Variants in PCDHA7 observed in about 807,000 individuals in gnomAD.
PCDHA7 encodes protocadherin alpha 7, also known as protocadherin alpha-7.
A neutral mutation model predicts 57.2 loss-of-function variants in PCDHA7; 37 were observed. The ratio of observed to expected loss-of-function variants is 0.65; its 90% confidence interval spans 0.50 to 0.85. The LOEUF is 0.85. PCDHA7 is among the 40% of genes least tolerant of loss of function. PCDHA7 has a pLI of 0.00. For synonymous variants in PCDHA7, 553 were observed against 558.8 expected, an observed-to-expected ratio of 0.99 and a Z score of 0.15; for missense variants, 1,188 against 1,241.8, an observed-to-expected ratio of 0.96 and a Z score of 0.65.
At chr5:140,882,385 A>G in intron 1 of PCDHA7, 1 of 1,614,234 alleles carries the variant, frequency 6.2e-7, no homozygotes, top group Non-Finnish European at 8.5e-7. Flanking sequence ...CCGAGGAAGC[A>G]AAACACGGCA....
intron 1 of PCDHA7, among the ~76,000 whole-genome samples, chr5:140,955,110 T>C (rs915501300): frequency 7.2e-5 from 11 of 152,274 alleles, no homozygotes; most frequent in African/African-American, 2.6e-4. Flanking sequence ...TTCTGAGTTC[T>C]CTATTCTGTT....
chr5:140,883,676 C>T lies in PCDHA7; in HGVS notation c.2355+46938C>T, dbSNP rs986680593. 6.2e-6 allele frequency: 10 copies of T among 1,613,792 alleles called. No homozygotes were observed. In the Admixed American group the frequency reaches 1.0e-4, roughly 16 times the overall value. On this transcript the variant is annotated intron_variant, in intron 1 of 3. Transcript: ENST00000525929. Reference sequence around the variant, plus strand: ...GGTGTTCGTGAAGGAAAACAATCCGCCGGGCTGCCACATCTTCACGGTGTC... The same window carrying T: ...GGTGTTCGTGAAGGAAAACAATCCGTCGGGCTGCCACATCTTCACGGTGTC...
At position 140,834,686 on chromosome 5, in the gene PCDHA7, G is replaced by A. The variant is rs2150224361; in HGVS notation, c.303G>A (p.Glu101=). 2 of 1,614,276 alleles carry A rather than the reference G, an allele frequency of 1.2e-6. No individual in the cohort carries two copies. Among genetic ancestry groups the A allele is most frequent in the Non-Finnish European group, 1.7e-6 (2 of 1,180,052 alleles). ...DREELCGRSA[E]CSIHLEVIVE... is the part of the protein sequence containing the mutation. ...AGGAGCTGTGCGGGCGGAGCGCGGA[G>A]TGCAGCATCCACCTGGAGGTGATCG... Residue 101 remains glutamate (E), a synonymous_variant, in exon 1 of 4, where the codon GAG becomes GAA. Transcript: ENST00000525929.
intron 1 of PCDHA7, among the ~76,000 whole-genome samples, chr5:140,938,866 G>A (rs1372323218): frequency 2.6e-5 from 4 of 152,040 alleles, no homozygotes; most frequent in African/African-American, 9.7e-5. Context: ...GAACTTAAAA[G>A]TTAAGAAGCA....
At chr5:140,871,376 G>GCT (rs782235924) in intron 1 of PCDHA7, 26 of 1,614,078 alleles carry the variant, frequency 1.6e-5, no homozygotes, top group South Asian at 1.4e-4. Flanking sequence ...CAGAGGGTGT[G>GCT]CTCTGAGGAG....
chr5:140,930,997 A>G (rs1355351475), intron 1 of PCDHA7, among the ~76,000 whole-genome samples: 3 of 152,198 alleles, frequency 2.0e-5, no homozygotes, highest in Admixed American at 1.3e-4. Context: ...GACCTACACT[A>G]ATAACATAAC....
At chr5:140,991,563 C>T (rs577838155) in intron 3 of PCDHA7, among the ~76,000 whole-genome samples, 4 of 152,288 alleles carry the variant, frequency 2.6e-5, no homozygotes, top group South Asian at 4.1e-4. Context: ...CCTTTAGTTT[C>T]CAATAACAGG....
chr5:140,851,802 T>G (rs1303108162), intron 1 of PCDHA7: 1 of 945,220 alleles, frequency 1.1e-6, no homozygotes, highest in Admixed American at 6.3e-5. Flanking sequence ...GTTCTGTCAG[T>G]AATCCATAAG....
chr5:140,856,162 C>T (rs782071685), intron 1 of PCDHA7: 7 of 1,598,320 alleles, frequency 4.4e-6, no homozygotes, highest in Non-Finnish European at 6.0e-6. Context: ...ACGAGGAGGC[C>T]AGACACGGCA....
At chr5:140,836,844 T>C (rs2150270736) in intron 1 of PCDHA7, 106 bp downstream of exon 1, 26 of 827,138 alleles carry the variant, frequency 3.1e-5, no homozygotes, top group African/African-American at 6.9e-5. Flanking sequence ...GCTTTATGTA[T>C]AATTATTATT....
rs182357788 is a variant in PCDHA7, at chr5:140,944,436, C to T, written c.2356-34513C>T. Among the ~76,000 whole-genome samples, 220 of 152,278 alleles carry T rather than the reference C, an allele frequency of 1.4e-3. 1 individual carries two copies. Among genetic ancestry groups the T allele is most frequent in the African/African-American group, 4.9e-3 (204 of 41,560 alleles). The stretch of plus-strand genomic sequence containing the variant: ...TCCTGATCTGAAGTGGTCTGCCTGC[C>T]TCGGCCTCCCAAAGTGCTGGGATTA... On this transcript the variant is annotated intron_variant, in intron 1 of 3. Coordinates refer to ENST00000525929, the MANE Select transcript of PCDHA7 (RefSeq NM_018910.3).
At position 140,857,115 on chromosome 5, in the gene PCDHA7, T is replaced by C. The variant is rs782131761; in HGVS notation, c.2355+20377T>C. On this transcript the variant is annotated intron_variant, in intron 1 of 3. Coordinates refer to ENST00000525929, the MANE Select transcript of PCDHA7 (RefSeq NM_018910.3). ...GAGGTGATTGTCACTTCTCTGTCTC[T>C]CCCAGTGAAAGAAGATGCTCAAGTG... 20 of 1,597,830 alleles carry C rather than the reference T, an allele frequency of 1.3e-5. 2 individuals carry two copies. In the East Asian group the frequency reaches 3.8e-4, roughly 30 times the overall value.
chr5:140,908,836 T>C (rs1206116511), intron 1 of PCDHA7, among the ~76,000 whole-genome samples: 4 of 152,200 alleles, frequency 2.6e-5, no homozygotes, highest in African/African-American at 9.7e-5. Flanking sequence ...ATAAATGGGC[T>C]GGAGTAACAT....
At chr5:140,951,507 C>A (rs2094591964) in intron 1 of PCDHA7, among the ~76,000 whole-genome samples, 1 of 151,952 alleles carries the variant, frequency 6.6e-6, no homozygotes, top group African/African-American at 2.4e-5. Flanking sequence ...AAAAGGAAAG[C>A]GGCTCATCTT....
chr5:140,900,912 A>AGAT (rs553485999), intron 1 of PCDHA7, among the ~76,000 whole-genome samples: 1 of 152,198 alleles, frequency 6.6e-6, no homozygotes, highest in Non-Finnish European at 1.5e-5. Context: ...AACTGTGGTA[A>AGAT]GATGATATCT....
At chr5:140,985,519 C>G (rs945399310) in intron 3 of PCDHA7, among the ~76,000 whole-genome samples, 7 of 152,120 alleles carry the variant, frequency 4.6e-5, no homozygotes, top group African/African-American at 1.7e-4. Flanking sequence ...TTCTGTTGCC[C>G]TTAAAGCTTC....
At position 140,869,199 on chromosome 5, in the gene PCDHA7, C is replaced by G. The variant is rs1315511579; in HGVS notation, c.2355+32461C>G. 8 of 1,613,906 alleles carry G rather than the reference C, an allele frequency of 5.0e-6. No individual in the cohort carries two copies. In the African/African-American group the frequency reaches 1.1e-4, roughly 22 times the overall value. On this transcript the variant is annotated intron_variant, in intron 1 of 3. Coordinates refer to ENST00000525929, the MANE Select transcript of PCDHA7 (RefSeq NM_018910.3). The stretch of plus-strand genomic sequence containing the variant: ...GGGAGGTGGGGAGCGGCCAGCTCCA[C>G]TACTCCGTCTCGGAGGAGGCCAAAC...
chr5:141,004,619 G>C (rs1004302739), intron 3 of PCDHA7, among the ~76,000 whole-genome samples: 9 of 152,136 alleles, frequency 5.9e-5, no homozygotes, highest in Non-Finnish European at 1.0e-4. Context: ...GCAGAGTCCT[G>C]GTTATGGTTG....
At position 141,010,340 on chromosome 5, in the gene PCDHA7, C is replaced by T. The variant is rs1400539624; in HGVS notation, c.*403C>T. 2 of 1,533,798 alleles carry T rather than the reference C, an allele frequency of 1.3e-6. No homozygotes were observed. Among genetic ancestry groups the T allele is most frequent in the Non-Finnish European group, 1.8e-6 (2 of 1,140,544 alleles). On this transcript the variant is annotated 3_prime_UTR_variant, in exon 4 of 4. Coordinates refer to ENST00000525929, the MANE Select transcript of PCDHA7 (RefSeq NM_018910.3). ...TGAGCAGCTTGGGAGTTTGTGGCCA[C>T]TGGGTATGTGTGGCTACCGCGGGTA...
Sources: allele counts gnomAD v4.1 joint callset (sites outside exome capture counted in the v4.1 genomes callset), GRCh38; gene constraint gnomAD v4.1.1; transcripts MANE v1.5; gene names NCBI Gene and HGNC (gene_info 2026-07-23, HGNC 2026-07-21).